The following FUBP1 variants were observed in gnomAD, a reference collection of about 807,000 sequenced individuals.
FUBP1 encodes the protein far upstream element binding protein 1, also known as far upstream element-binding protein 1.
A neutral mutation model predicts 94.9 loss-of-function variants in FUBP1; 16 were observed. The observed-to-expected ratio is 0.17, with a 90% CI of 0.11 to 0.26. FUBP1 has a LOEUF of 0.26. Among genes scored for constraint, FUBP1 ranks in the 10% least tolerant of loss-of-function variants. The pLI, the probability that FUBP1 is intolerant of heterozygous loss-of-function variation, is 1.00. For missense variants in FUBP1, 583 were observed against 808.6 expected (o/e 0.72, Z 3.38); for synonymous variants, 279 against 254.9 (o/e 1.09, Z -0.90).
intron 18 of FUBP1, among the ~76,000 whole-genome samples, 156 bp from the exon 19 acceptor site, chr1:77,949,456 T>G (rs1278494442): frequency 2.0e-5 from 3 of 151,922 alleles, no homozygotes; most frequent in African/African-American, 4.8e-5. Context: ...ACCCCTAAAC[T>G]TTAATATAAA....
chr1:77,968,210 A>G lies in FUBP1; in HGVS notation c.212-7T>C. Reference sequence around the variant, plus strand: ...TTCTTAGCATCTGGTTGATCTGCAAAATTAAGTGTCTTTTAATTTTTTGCC... The same window carrying G: ...TTCTTAGCATCTGGTTGATCTGCAAGATTAAGTGTCTTTTAATTTTTTGCC... On this transcript the variant is annotated splice_polypyrimidine_tract_variant and splice_region_variant and intron_variant, in intron 2 of 19. Coordinates refer to ENST00000370768, the MANE Select transcript of FUBP1 (RefSeq NM_003902.5). 6.5e-7 allele frequency: 1 copy of G among 1,529,666 alleles called. No homozygotes were observed. 94.8% of individuals were successfully genotyped at this position (1,529,666 alleles called of 1,614,324 possible).
intron 4 of FUBP1, 28 bp from the exon 5 acceptor site, chr1:77,967,129 C>T: frequency 7.1e-7 from 1 of 1,410,650 alleles, no homozygotes; most frequent in Non-Finnish European, 9.8e-7. Flanking sequence ...GCACCATTTT[C>T]CTTCAATGAA....
chr1:77,964,116 T>C lies in FUBP1; in HGVS notation c.987A>G (p.Pro329=). Reference sequence around the variant, plus strand: ...TTTCTGCAGCATGTTGACATCGGTCTGGAGGTCCTGTTATTTGTGCTATCC... The same window carrying C: ...TTTCTGCAGCATGTTGACATCGGTCCGGAGGTCCTGTTATTTGTGCTATCC... ...PERIAQITGP[P]DRCQHAAEII... Residue 329 remains proline, a synonymous_variant, in exon 12 of 20, where the codon CCA becomes CCG. Transcript: ENST00000370768. 1 of 1,609,476 alleles carries C rather than the reference T, an allele frequency of 6.2e-7. No individual in the cohort carries two copies.
intron 18 of FUBP1, among the ~76,000 whole-genome samples, chr1:77,951,183 T>C (rs1653396113): frequency 1.3e-5 from 2 of 152,190 alleles, no homozygotes; most frequent in African/African-American, 2.4e-5. Context: ...TTAAACCCCA[T>C]TGTAAGAGTT....
chr1:77,971,237 A>G (rs1437054281), intron 1 of FUBP1, among the ~76,000 whole-genome samples: 1 of 152,302 alleles, frequency 6.6e-6, no homozygotes, highest in South Asian at 2.1e-4. Context: ...AATGCTGTAC[A>G]TTCATTATTG....
intron 18 of FUBP1, among the ~76,000 whole-genome samples, chr1:77,955,051 T>C (rs1206779945): frequency 6.6e-6 from 1 of 152,234 alleles, no homozygotes. Flanking sequence ...AGGACATTTC[T>C]AGTTTCAATT....
In FUBP1 at chr1:77,970,027, AAAG is replaced by A; in HGVS notation, c.121-15_121-13del. 1.4e-6 allele frequency: 2 copies of A among 1,444,130 alleles called. No homozygotes were observed. The highest frequency in any genetic ancestry group is 1.9e-6 in the Non-Finnish European group (2 of 1,038,582). The allele number at this position is 1,444,130 out of a possible 1,614,324, so 89.5% of individuals were successfully genotyped here. A position where few individuals can be genotyped will look rare whatever the true frequency, so the allele number is the denominator to read the frequency against. On this transcript the variant is annotated splice_polypyrimidine_tract_variant and intron_variant, in intron 1 of 19. Coordinates refer to ENST00000370768, the MANE Select transcript of FUBP1 (RefSeq NM_003902.5). ...ATTTTTGCTGCAATCTAAAAAAAAA[AAAG>A]AAAAATACCATCATAAACTATTATA...
chr1:77,977,525 C>CAAACAAAACA (rs374439256), intron 1 of FUBP1, among the ~76,000 whole-genome samples: 3 of 152,134 alleles, frequency 2.0e-5, no homozygotes, highest in Non-Finnish European at 4.4e-5. Flanking sequence ...GACTCCGTCT[C>CAAACAAAACA]AAACAAAACA....
intron 17 of FUBP1, 92 bp downstream of exon 17, chr1:77,956,480 G>T: frequency 1.6e-6 from 1 of 644,858 alleles, no homozygotes; most frequent in Non-Finnish European, 2.5e-6. Flanking sequence ...ATTAAATAAT[G>T]TCAGAAATTT....
At chr1:77,978,822 C>T (rs1427427175) in intron 1 of FUBP1, 63 bp downstream of exon 1, 1 of 1,601,978 alleles carries the variant, frequency 6.2e-7, no homozygotes. Flanking sequence ...AGGGTAGCGG[C>T]CTACTCAGTC....
chr1:77,947,799 G>T lies in FUBP1; in HGVS notation c.*967C>A. On this transcript the variant is annotated 3_prime_UTR_variant, in exon 20 of 20. Coordinates refer to ENST00000370768, the MANE Select transcript of FUBP1 (RefSeq NM_003902.5). ...CTGCATAAAGAAAAAAAAAAAGCTT[G>T]AACGTTTCCATACCCCATTTATGTT... 4 of 883,080 alleles carry T rather than the reference G, an allele frequency of 4.5e-6. No homozygotes were observed. Among genetic ancestry groups the T allele is most frequent in the Non-Finnish European group, 6.0e-6 (4 of 671,308 alleles). The allele number at this position is 883,080 out of a possible 1,614,324, so 54.7% of individuals were successfully genotyped here. A position where few individuals can be genotyped will look rare whatever the true frequency, so the allele number is the denominator to read the frequency against.
At chr1:77,971,141 C>T (rs1029189162) in intron 1 of FUBP1, among the ~76,000 whole-genome samples, 2 of 151,994 alleles carry the variant, frequency 1.3e-5, no homozygotes, top group African/African-American at 4.8e-5. Context: ...AAAGGACAAC[C>T]GAAGTAGTTC....
intron 2 of FUBP1, 112 bp from the exon 3 acceptor site, chr1:77,968,315 T>A: frequency 1.5e-6 from 1 of 677,336 alleles, no homozygotes; most frequent in Non-Finnish European, 2.4e-6. Flanking sequence ...GAAGGTATGG[T>A]TTATCATTTG....
At chr1:77,977,742 A>C (rs1341563773) in intron 1 of FUBP1, among the ~76,000 whole-genome samples, 1 of 152,198 alleles carries the variant, frequency 6.6e-6, no homozygotes, top group Non-Finnish European at 1.5e-5. Context: ...CGTGGAAAAA[A>C]CCGCAGAACT....
At chr1:77,970,116 A>G (rs2102457765) in intron 1 of FUBP1, 101 bp from the exon 2 acceptor site, 2 of 499,168 alleles carry the variant, frequency 4.0e-6, no homozygotes, top group South Asian at 9.5e-5. Context: ...TGAAATATTT[A>G]GTATCACATA....
In FUBP1 at chr1:77,944,934, T is replaced by TA. The variant is rs921093544; in HGVS notation, c.*3831dup. Among the ~76,000 whole-genome samples the TA allele has an allele frequency of 1.9e-4, 29 of 151,836 alleles. No homozygotes were observed. The highest frequency in any genetic ancestry group is 6.8e-3 in the Middle Eastern group (2 of 294). On this transcript the variant is annotated 3_prime_UTR_variant, in exon 20 of 20. Transcript: ENST00000370768. The stretch of plus-strand genomic sequence containing the variant: ...TAAGTATCACCACACTAAGCTGTCT[T>TA]AAAAAAAACTAAAAACATTGTCAAA...
At chr1:77,973,348 C>G (rs1316874674) in intron 1 of FUBP1, among the ~76,000 whole-genome samples, 1 of 152,116 alleles carries the variant, frequency 6.6e-6, no homozygotes, top group South Asian at 2.1e-4. Context: ...CAAGTTCAAG[C>G]GATTCTCCTG....
At chr1:77,964,839 C>T in intron 9 of FUBP1, 31 bp downstream of exon 9, 2 of 1,521,184 alleles carry the variant, frequency 1.3e-6, no homozygotes, top group South Asian at 2.2e-5. Flanking sequence ...TCAACCCACT[C>T]TTTCTTTATA....
chr1:77,978,962 C>A lies in FUBP1; in HGVS notation c.43G>T (p.Ala15Ser). Residue 15 changes from alanine (A) to serine (S), a missense_variant, in exon 1 of 20, where the codon GCT becomes TCT. Coordinates refer to ENST00000370768, the MANE Select transcript of FUBP1 (RefSeq NM_003902.5). ...CCACCGCCGCCACCACCGCCACCAG[C>A]TGAGCCAGAAGAGGGGGGAGGCACT... ...STVPPPSSGS[A>S]GGGGGGGGGG... 3 of 1,613,840 alleles carry A rather than the reference C, an allele frequency of 1.9e-6. No individual in the cohort carries two copies. Among genetic ancestry groups the A allele is most frequent in the Non-Finnish European group, 2.5e-6 (3 of 1,179,826 alleles).
Sources: allele counts gnomAD v4.1 joint callset (sites outside exome capture counted in the v4.1 genomes callset), GRCh38; gene constraint gnomAD v4.1.1; transcripts MANE v1.5; gene names NCBI Gene and HGNC (gene_info 2026-07-23, HGNC 2026-07-21).